MARCHF1: variants seen among roughly 807,000 people sequenced by gnomAD.
The protein encoded by MARCHF1 is membrane associated ring-CH-type finger 1.
MARCHF1 carries 40 observed loss-of-function variants against 54.2 expected under a neutral mutation model. That is an observed-to-expected ratio of 0.74 (90% CI 0.57 to 0.96). MARCHF1 has a LOEUF of 0.96. Ranked by LOEUF, MARCHF1 falls within the 40% of genes least tolerant of loss-of-function variation. The pLI is 0.00. For missense variants in MARCHF1, 586 were observed against 656.5 expected (o/e 0.89, Z 1.17); for synonymous variants, 236 against 236.3 (o/e 1.00, Z 0.01).
At chr4:164,126,359 C>T (rs763288271) in intron 1 of MARCHF1, among the ~76,000 whole-genome samples, 3 of 152,124 alleles carry the variant, frequency 2.0e-5, no homozygotes, top group East Asian at 3.9e-4. Flanking sequence ...CATCAGACAC[C>T]GAATCTTCCA....
In MARCHF1 at chr4:163,825,945, C is replaced by T. The variant is rs143750550; in HGVS notation, c.111+28076G>A. 1.4e-4 allele frequency among the ~76,000 whole-genome samples: 21 copies of T among 151,998 alleles called. No homozygotes were observed. The East Asian group carries it at 3.9e-3, about 28-fold the overall frequency. On this transcript the variant is annotated intron_variant, in intron 4 of 9. Transcript: ENST00000514618. ...ACTTTCCTATACCTACCCCCTACAC[C>T]CAGTGCAGAGCAGAGGAGTAAATTG...
At chr4:163,875,884 G>C (rs1214715563) in intron 3 of MARCHF1, among the ~76,000 whole-genome samples, 1 of 152,040 alleles carries the variant, frequency 6.6e-6, no homozygotes, top group Non-Finnish European at 1.5e-5. Flanking sequence ...ACCTTGGAAG[G>C]CTGAGTAATA....
chr4:164,119,025 C>T (rs372338824), intron 1 of MARCHF1, among the ~76,000 whole-genome samples: 1 of 148,454 alleles, frequency 6.7e-6, no homozygotes, highest in Non-Finnish European at 1.5e-5. Context: ...TAAAGATAAC[C>T]TAAACAACAT....
chr4:164,238,494 T>C (rs576476147), intron 1 of MARCHF1, among the ~76,000 whole-genome samples: 1 of 152,190 alleles, frequency 6.6e-6, no homozygotes, highest in East Asian at 1.9e-4. Context: ...TATATTTTAA[T>C]CACTAATGTA....
intron 1 of MARCHF1, among the ~76,000 whole-genome samples, chr4:164,202,117 A>G (rs1731472012): frequency 6.6e-6 from 1 of 152,206 alleles, no homozygotes; most frequent in Non-Finnish European, 1.5e-5. Context: ...TGTGTTTATG[A>G]GAGTTACATA....
At chr4:164,065,068 A>G (rs1754698643) in intron 2 of MARCHF1, among the ~76,000 whole-genome samples, 1 of 152,018 alleles carries the variant, frequency 6.6e-6, no homozygotes, top group Non-Finnish European at 1.5e-5. Context: ...TTTGCTGAGT[A>G]TTTTTGCATC....
intron 2 of MARCHF1, among the ~76,000 whole-genome samples, chr4:164,100,462 C>T (rs1755517783): frequency 6.6e-6 from 1 of 152,202 alleles, no homozygotes; most frequent in Non-Finnish European, 1.5e-5. Flanking sequence ...ATCCTGCACA[C>T]AGGTACTTCC....
At chr4:163,660,452 A>G (rs562068242) in intron 5 of MARCHF1, among the ~76,000 whole-genome samples, 4 of 152,012 alleles carry the variant, frequency 2.6e-5, no homozygotes, top group Admixed American at 2.6e-4. Context: ...GACCTAATGC[A>G]TGAGGAGCTT....
At chr4:163,778,135 T>C (rs1747356778) in intron 4 of MARCHF1, among the ~76,000 whole-genome samples, 1 of 151,080 alleles carries the variant, frequency 6.6e-6, no homozygotes, top group East Asian at 2.0e-4. Context: ...TTCGATTACA[T>C]GGATATACCA....
At chr4:164,280,408 G>C (rs1733998740) in intron 1 of MARCHF1, among the ~76,000 whole-genome samples, 1 of 151,958 alleles carries the variant, frequency 6.6e-6, no homozygotes, top group Non-Finnish European at 1.5e-5. Context: ...AATAGACCTA[G>C]TTAAATAAAC....
chr4:164,123,253 A>T (rs1289005182), intron 1 of MARCHF1, among the ~76,000 whole-genome samples: 4 of 152,114 alleles, frequency 2.6e-5, no homozygotes, highest in Admixed American at 2.6e-4. Flanking sequence ...TTAACCAAAT[A>T]AGTAAAAGAC....
chr4:163,556,404 G>A (rs938248711), intron 8 of MARCHF1, among the ~76,000 whole-genome samples: 8 of 152,178 alleles, frequency 5.3e-5, no homozygotes, highest in South Asian at 4.1e-4. Flanking sequence ...TTTTGGAACC[G>A]TCTATTTGTA....
chr4:163,831,477 G>A (rs1242738109), intron 4 of MARCHF1, among the ~76,000 whole-genome samples: 1 of 152,142 alleles, frequency 6.6e-6, no homozygotes, highest in Non-Finnish European at 1.5e-5. Context: ...TGTAGTCCCA[G>A]CTCCTCGGGA....
At chr4:163,857,451 A>G (rs1252630415) in intron 3 of MARCHF1, among the ~76,000 whole-genome samples, 2 of 152,258 alleles carry the variant, frequency 1.3e-5, no homozygotes, top group Non-Finnish European at 2.9e-5. Context: ...AATTAACCCC[A>G]AAGCACTTTA....
intron 1 of MARCHF1, among the ~76,000 whole-genome samples, chr4:164,237,948 A>C (rs941589647): frequency 6.6e-6 from 1 of 152,094 alleles, no homozygotes; most frequent in African/African-American, 2.4e-5. Flanking sequence ...ATTTTGATGA[A>C]TATTCAAGAA....
intron 5 of MARCHF1, among the ~76,000 whole-genome samples, chr4:163,642,511 G>A (rs996366997): frequency 6.6e-6 from 1 of 152,086 alleles, no homozygotes; most frequent in Non-Finnish European, 1.5e-5. Context: ...ATAAATCATT[G>A]ACTTGCATTC....
chr4:164,111,718 A>G (rs1264500718), intron 1 of MARCHF1, 56 bp from the exon 2 acceptor site: 2 of 151,752 alleles, frequency 1.3e-5, no homozygotes, highest in Non-Finnish European at 3.0e-5. Context: ...CCATAAGGAA[A>G]CTATGGTTTG....
intron 4 of MARCHF1, among the ~76,000 whole-genome samples, chr4:163,797,949 G>A (rs1233833154): frequency 1.3e-5 from 2 of 152,066 alleles, no homozygotes; most frequent in Non-Finnish European, 2.9e-5. Flanking sequence ...CTAAGCTCAT[G>A]TTTCTTAGAA....
chr4:164,064,712 CCTTGT>C, intron 2 of MARCHF1, among the ~76,000 whole-genome samples: 1 of 152,218 alleles, frequency 6.6e-6, no homozygotes, highest in Middle Eastern at 3.4e-3. Context: ...GAGAAGGCAT[CCTTGT>C]CTTGTGCTGA....
Sources: gnomAD v4.1 joint callset for allele counts (sites outside exome capture counted in the v4.1 genomes callset) on GRCh38, gnomAD v4.1.1 for gene constraint, MANE v1.5 for transcripts, NCBI Gene and HGNC (gene_info 2026-07-23, HGNC 2026-07-21) for gene names.